The following GRM8 variants were observed in gnomAD, a reference collection of about 807,000 sequenced individuals.
GRM8 encodes metabotropic glutamate receptor 8.
A neutral mutation model predicts 87.2 loss-of-function variants in GRM8; 47 were observed. That is an observed-to-expected ratio of 0.54 (90% confidence interval 0.43 to 0.69). GRM8 has a LOEUF of 0.69. Among genes scored for constraint, GRM8 ranks in the 30% least tolerant of loss-of-function variants. The pLI is 0.00. For missense variants in GRM8, 1,019 were observed against 1,139.2 expected, an observed-to-expected ratio of 0.89 and a Z score of 1.52; for synonymous variants, 396 against 404.5, an observed-to-expected ratio of 0.98 and a Z score of 0.25.
intron 9 of GRM8, among the ~76,000 whole-genome samples, chr7:126,503,929 G>A (rs527492886): frequency 5.4e-4 from 82 of 152,094 alleles, no homozygotes; most frequent in Non-Finnish European, 8.8e-4. Flanking sequence ...TCACATGAAG[G>A]ATGTGGCTCT....
At chr7:127,050,597 G>A (rs17864109) in intron 3 of GRM8, among the ~76,000 whole-genome samples, 4,231 of 152,314 alleles carry the variant, frequency 0.028, 86 homozygotes, top group Middle Eastern at 0.054. Flanking sequence ...AGTTCTGAAG[G>A]CAGAGGTGTC....
intron 3 of GRM8, among the ~76,000 whole-genome samples, chr7:127,102,663 G>A (rs1488461020): frequency 7.2e-5 from 11 of 152,176 alleles, no homozygotes; most frequent in Non-Finnish European, 1.6e-4. Flanking sequence ...AAAGAGTGAT[G>A]AGGCTTGGCA....
intron 3 of GRM8, among the ~76,000 whole-genome samples, chr7:127,028,973 A>C (rs1364872474): frequency 1.3e-5 from 2 of 152,086 alleles, no homozygotes; most frequent in Non-Finnish European, 2.9e-5. Flanking sequence ...GTGGGCATTT[A>C]GTGCTATAAA....
chr7:126,472,656 T>A (rs1427018662), intron 9 of GRM8, among the ~76,000 whole-genome samples: 1 of 152,180 alleles, frequency 6.6e-6, no homozygotes. Flanking sequence ...GCGTGAGTAA[T>A]GAGAAGCCAA....
At chr7:126,896,222 A>T (rs1801528514) in intron 6 of GRM8, among the ~76,000 whole-genome samples, 2 of 151,438 alleles carry the variant, frequency 1.3e-5, no homozygotes, top group Middle Eastern at 3.4e-3. Flanking sequence ...GTCATCTCAG[A>T]TGGATCTATT....
intron 7 of GRM8, among the ~76,000 whole-genome samples, chr7:126,733,653 C>T (rs544733634): frequency 1.6e-4 from 24 of 151,888 alleles, no homozygotes; most frequent in Non-Finnish European, 2.1e-4. Context: ...AATTGATAAA[C>T]GCATTAATAA....
At chr7:127,119,943 CA>C (rs1163561453) in intron 2 of GRM8, among the ~76,000 whole-genome samples, 1 of 152,184 alleles carries the variant, frequency 6.6e-6, no homozygotes, top group East Asian at 1.9e-4. Context: ...CCTATAAATG[CA>C]GTCTAAATCT....
intron 1 of GRM8, among the ~76,000 whole-genome samples, chr7:127,250,201 G>A (rs548023588): frequency 1.6e-4 from 25 of 152,182 alleles, no homozygotes; most frequent in Non-Finnish European, 3.4e-4. Flanking sequence ...AACAAGCCCC[G>A]CAGCAGCTTC....
intron 2 of GRM8, among the ~76,000 whole-genome samples, chr7:127,164,619 A>G (rs564819638): frequency 2.6e-5 from 4 of 152,260 alleles, no homozygotes; most frequent in African/African-American, 9.6e-5. Flanking sequence ...GAGAGTTCCA[A>G]TCTTATTTCT....
chr7:126,638,767 T>C (rs923219541), intron 7 of GRM8, among the ~76,000 whole-genome samples: 1 of 152,156 alleles, frequency 6.6e-6, no homozygotes, highest in Non-Finnish European at 1.5e-5. Flanking sequence ...ACAGAACAAG[T>C]CAGAAACATC....
chr7:126,793,096 T>G (rs1375580566), intron 6 of GRM8, among the ~76,000 whole-genome samples: 1 of 152,220 alleles, frequency 6.6e-6, no homozygotes, highest in Non-Finnish European at 1.5e-5. Context: ...AACATGATCA[T>G]GCTGCTTGAA....
At chr7:127,058,544 A>G (rs1386389834) in intron 3 of GRM8, among the ~76,000 whole-genome samples, 1 of 152,176 alleles carries the variant, frequency 6.6e-6, no homozygotes, top group African/African-American at 2.4e-5. Flanking sequence ...GGTGAAAAAA[A>G]AAATTAATTT....
At chr7:126,528,046 A>T (rs1814160257) in intron 9 of GRM8, among the ~76,000 whole-genome samples, 1 of 152,176 alleles carries the variant, frequency 6.6e-6, no homozygotes, top group Admixed American at 6.5e-5. Context: ...TCTATTAAAA[A>T]TACAAAAATT....
At chr7:127,229,150 T>C (rs962353800) in intron 2 of GRM8, 2 of 152,194 alleles carry the variant, frequency 1.3e-5, no homozygotes, top group African/African-American at 4.8e-5. Context: ...TTCTCCATAA[T>C]TCACAGAAAT....
At chr7:126,737,264 GAT>G (rs1814341776) in intron 7 of GRM8, among the ~76,000 whole-genome samples, 1 of 151,932 alleles carries the variant, frequency 6.6e-6, no homozygotes, top group South Asian at 2.1e-4. Flanking sequence ...ACCCAAGATG[GAT>G]AAGCTGGTTC....
In GRM8 at chr7:126,679,544, C is replaced by T. The variant is rs546425535; in HGVS notation, c.1358-70046G>A. Among the ~76,000 whole-genome samples, 4 of 152,198 alleles carry T rather than the reference C, an allele frequency of 2.6e-5. No individual in the cohort carries two copies. In the South Asian group the frequency reaches 8.3e-4, roughly 31 times the overall value. On this transcript the variant is annotated intron_variant, in intron 7 of 10. Transcript: ENST00000339582. ...TATAAATGGAGCATCAACCATATGC[C>T]AGATAGTAAGGTAGAAGCTGGAAAT... is the stretch of plus-strand genomic sequence containing the variant.
intron 9 of GRM8, among the ~76,000 whole-genome samples, chr7:126,485,474 T>C (rs907193801): frequency 2.0e-5 from 3 of 151,818 alleles, no homozygotes; most frequent in East Asian, 1.9e-4. Context: ...CCATAAGTAA[T>C]TGCAATATGT....
intron 3 of GRM8, among the ~76,000 whole-genome samples, chr7:127,064,818 T>C (rs1820952280): frequency 6.6e-6 from 1 of 152,150 alleles, no homozygotes; most frequent in Non-Finnish European, 1.5e-5. Flanking sequence ...CACAGTGAGA[T>C]ACCATCTCAT....
intron 2 of GRM8, among the ~76,000 whole-genome samples, chr7:127,168,261 T>C (rs191472321): frequency 1.3e-5 from 2 of 152,228 alleles, no homozygotes; most frequent in African/African-American, 4.8e-5. Context: ...TAAAAAGCTC[T>C]TCATCACTGG....
Sources: allele counts gnomAD v4.1 joint callset (sites outside exome capture counted in the v4.1 genomes callset), GRCh38; gene constraint gnomAD v4.1.1; transcripts MANE v1.5; gene names NCBI Gene and HGNC (gene_info 2026-07-23, HGNC 2026-07-21).